The following PCDH15 variants were observed in gnomAD, a reference collection of about 807,000 sequenced individuals.
The protein encoded by PCDH15 is protocadherin related 15.
In PCDH15, 129 loss-of-function variants were observed where a neutral mutation model predicts 178.5. The observed-to-expected ratio is 0.72, with a 90% CI of 0.63 to 0.84. The LOEUF is 0.84. PCDH15 is among the 40% of genes least tolerant of loss of function. The pLI is 0.00. For synonymous variants in PCDH15, 800 were observed against 732.0 expected, an observed-to-expected ratio of 1.09 and a Z score of -1.50; for missense variants, 2,230 against 2,099.9, an observed-to-expected ratio of 1.06 and a Z score of -1.21.
At chr10:53,825,007 C>CT (rs2076582150) in intron 32 of PCDH15, 1 of 1,196,644 alleles carries the variant, frequency 8.4e-7, no homozygotes, top group African/African-American at 1.6e-5. Flanking sequence ...CAAAACTTTC[C>CT]TTTTAACAGT....
At chr10:54,174,697 C>CTTTT (rs754597400) in intron 13 of PCDH15, among the ~76,000 whole-genome samples, 4 of 70,824 alleles carry the variant, frequency 5.6e-5, no homozygotes, top group African/African-American at 3.1e-4. Flanking sequence ...TTTTCTTTTT[C>CTTTT]TTTTCTTTTT....
At chr10:54,893,161 T>C (rs1235582833) in intron 3 of PCDH15, among the ~76,000 whole-genome samples, 3 of 151,956 alleles carry the variant, frequency 2.0e-5, no homozygotes, top group Non-Finnish European at 4.4e-5. Context: ...CCAGCAAATA[T>C]GTTACATGTG....
At chr10:55,344,287 C>T (rs149041342) in intron 2 of PCDH15, among the ~76,000 whole-genome samples, 74 of 152,064 alleles carry the variant, frequency 4.9e-4, no homozygotes, top group Non-Finnish European at 8.4e-4. Context: ...TATAGATAGC[C>T]GTTAGAAAAT....
intron 21 of PCDH15, among the ~76,000 whole-genome samples, chr10:53,980,712 A>C (rs935833884): frequency 3.9e-5 from 6 of 152,200 alleles, no homozygotes; most frequent in Non-Finnish European, 8.8e-5. Flanking sequence ...TAAAGAGGTT[A>C]ATTAACTGCT....
intron 21 of PCDH15, among the ~76,000 whole-genome samples, chr10:53,985,223 A>C (rs1007041599): frequency 6.6e-5 from 10 of 152,118 alleles, no homozygotes; most frequent in Admixed American, 3.9e-4. Context: ...AAAAAACTTT[A>C]TATAATGGTA....
chr10:55,079,265 G>A (rs552616981), intron 2 of PCDH15, among the ~76,000 whole-genome samples: 94 of 152,282 alleles, frequency 6.2e-4, no homozygotes, highest in African/African-American at 2.1e-3. Flanking sequence ...TTTGGGGGAT[G>A]TTTTTGTGAA....
At chr10:54,227,333 T>C (rs1591296181) in intron 9 of PCDH15, among the ~76,000 whole-genome samples, 3 of 152,344 alleles carry the variant, frequency 2.0e-5, no homozygotes, top group Admixed American at 6.5e-5. Context: ...CTCAATACTT[T>C]GTGGAAGCTG....
intron 2 of PCDH15, among the ~76,000 whole-genome samples, chr10:55,484,023 CATT>C (rs1418380278): frequency 6.6e-6 from 1 of 151,620 alleles, no homozygotes; most frequent in Admixed American, 6.6e-5. Flanking sequence ...ATCTGGAGGC[CATT>C]ATCCTTAGCA....
At chr10:55,525,570 T>A (rs958020808) in intron 2 of PCDH15, among the ~76,000 whole-genome samples, 16 of 151,856 alleles carry the variant, frequency 1.1e-4, no homozygotes, top group African/African-American at 3.9e-4. Context: ...TATAAGGAAG[T>A]CTACTTTTGG....
At chr10:55,420,276 C>T (rs970265540) in intron 2 of PCDH15, among the ~76,000 whole-genome samples, 2 of 151,580 alleles carry the variant, frequency 1.3e-5, no homozygotes, top group African/African-American at 2.4e-5. Context: ...ATACTATAAG[C>T]GTTGGAATTG....
At chr10:55,431,587 AT>A (rs1397726090) in intron 2 of PCDH15, among the ~76,000 whole-genome samples, 2 of 152,168 alleles carry the variant, frequency 1.3e-5, no homozygotes, top group Admixed American at 1.3e-4. Context: ...AAATCTAAGT[AT>A]TTTCAAAATA....
chr10:54,676,605 CTT>C lies in PCDH15; in HGVS notation c.-28-12317_-28-12316del, dbSNP rs1210610551. Among the ~76,000 whole-genome samples the C allele has an allele frequency of 1.3e-5, 2 of 152,114 alleles. 1 individual carries two copies. The highest frequency in any genetic ancestry group is 1.3e-4 in the Admixed American group (2 of 15,276). On this transcript the variant is annotated intron_variant, in intron 1 of 37. Coordinates refer to ENST00000644397, the MANE Select transcript of PCDH15 (RefSeq NM_001384140.1). Reference sequence around the variant, plus strand: ...AATTTTCTTCCACTTTATTAACACTCTTGTCTAATTAGACAATAATTACTTTA... The same window carrying C: ...AATTTTCTTCCACTTTATTAACACTCGTCTAATTAGACAATAATTACTTTA...
intron 3 of PCDH15, among the ~76,000 whole-genome samples, chr10:54,417,426 G>C (rs1954599956): frequency 6.6e-6 from 1 of 152,120 alleles, no homozygotes; most frequent in Non-Finnish European, 1.5e-5. Flanking sequence ...TTATTTAAGA[G>C]ATTAAAAGAA....
chr10:53,843,163 AT>A (rs900911644), intron 28 of PCDH15, among the ~76,000 whole-genome samples: 3 of 152,112 alleles, frequency 2.0e-5, no homozygotes, highest in Non-Finnish European at 4.4e-5. Flanking sequence ...CACTTTGAGC[AT>A]TTTTTTGTTA....
At chr10:54,333,046 C>T (rs900820863) in intron 6 of PCDH15, among the ~76,000 whole-genome samples, 13 of 152,034 alleles carry the variant, frequency 8.6e-5, no homozygotes, top group Admixed American at 5.3e-4. Context: ...TGGGTTCAAG[C>T]GATTCTCCTG....
At chr10:54,319,999 A>G (rs943729344) in intron 7 of PCDH15, among the ~76,000 whole-genome samples, 23 of 152,088 alleles carry the variant, frequency 1.5e-4, no homozygotes, top group African/African-American at 5.6e-4. Context: ...TATACAGTAT[A>G]AGACAGACTG....
intron 1 of PCDH15, among the ~76,000 whole-genome samples, chr10:55,249,401 C>T (rs1354589490): frequency 1.3e-5 from 2 of 152,014 alleles, no homozygotes; most frequent in Non-Finnish European, 2.9e-5. Flanking sequence ...TGTTCATCTA[C>T]CTATATGTAA....
At chr10:54,747,823 T>TTTTTTG (rs1945663072) in intron 1 of PCDH15, among the ~76,000 whole-genome samples, 1 of 150,854 alleles carries the variant, frequency 6.6e-6, no homozygotes, top group Non-Finnish European at 1.5e-5. Context: ...TTTTTTTTTT[T>TTTTTTG]GAGACGGAGT....
At chr10:54,997,940 A>AT (rs1297715837) in intron 2 of PCDH15, among the ~76,000 whole-genome samples, 1 of 152,118 alleles carries the variant, frequency 6.6e-6, no homozygotes, top group Admixed American at 6.6e-5. Flanking sequence ...GCAGAAATGT[A>AT]TTTTTTAAAA....
Sources: allele counts gnomAD v4.1 joint callset (sites outside exome capture counted in the v4.1 genomes callset), GRCh38; gene constraint gnomAD v4.1.1; transcripts MANE v1.5; gene names NCBI Gene and HGNC (gene_info 2026-07-23, HGNC 2026-07-21).